Variants in RPRD1A observed in about 807,000 individuals in gnomAD.
RPRD1A encodes regulation of nuclear pre-mRNA domain-containing protein 1A.
A neutral mutation model predicts 37.8 loss-of-function variants in RPRD1A; 9 were observed. That is an observed-to-expected ratio of 0.24 (90% CI 0.14 to 0.42). RPRD1A has a LOEUF of 0.42. Among genes scored for constraint, RPRD1A ranks in the 10% least tolerant of loss-of-function variants. The pLI is 1.00. For synonymous variants in RPRD1A, 138 were observed against 139.7 expected (o/e 0.99, Z 0.08); for missense variants, 255 against 371.0 (o/e 0.69, Z 2.57).
intron 1 of RPRD1A, among the ~76,000 whole-genome samples, chr18:36,045,746 C>T (rs139422022): frequency 9.5e-4 from 145 of 152,262 alleles, no homozygotes; most frequent in African/African-American, 3.3e-3. Flanking sequence ...TAATGTGATG[C>T]AACAGAAATG....
intron 1 of RPRD1A, among the ~76,000 whole-genome samples, chr18:36,041,711 G>A (rs964630692): frequency 7.2e-5 from 11 of 152,332 alleles, no homozygotes; most frequent in South Asian, 2.1e-4. Context: ...TGGGGAAGAC[G>A]TGTTCCTATG....
intron 1 of RPRD1A, among the ~76,000 whole-genome samples, chr18:36,058,901 C>A (rs886698196): frequency 1.3e-5 from 2 of 152,084 alleles, no homozygotes; most frequent in Admixed American, 6.5e-5. Flanking sequence ...GAAAAAGACA[C>A]GAGAATTCAG....
Position 36,027,249 on chromosome 18 carries a change from A to C in RPRD1A, c.548T>G (p.Val183Gly). 6.2e-7 allele frequency: 1 copy of C among 1,613,518 alleles called. No individual in the cohort carries two copies. Among genetic ancestry groups the C allele is most frequent in the Non-Finnish European group, 8.5e-7 (1 of 1,179,450 alleles). The part of the protein sequence containing the change: ...LENAASGDAA[V>G]HQRIASLPVE... ...AGGTAAAGAAGCTATCCTCTGATGA[A>C]CTGCTGCATCACCTGAGGCTGCATT... is the stretch of plus-strand genomic sequence containing the variant. Residue 183 changes from valine (V) to glycine (G), a missense_variant, in exon 5 of 7, where the codon GTT (valine) becomes GGT (glycine). By Grantham distance (109) the Val-to-Gly change is moderately radical (BLOSUM62 -3). Around this residue, in one of 2 missense-constraint regions of RPRD1A, gnomAD observed 211 missense variants for 268.9 expected, o/e 0.78. Coordinates refer to ENST00000399022, the MANE Select transcript of RPRD1A (RefSeq NM_018170.5).
intron 6 of RPRD1A, among the ~76,000 whole-genome samples, chr18:36,016,396 T>C (rs1372739014): frequency 6.6e-6 from 1 of 152,118 alleles, no homozygotes; most frequent in Non-Finnish European, 1.5e-5. Context: ...CTAATTTTTG[T>C]ATTTTTAGTA....
chr18:36,039,787 A>AT (rs752805638), intron 1 of RPRD1A, among the ~76,000 whole-genome samples: 8 of 152,210 alleles, frequency 5.3e-5, no homozygotes, highest in Non-Finnish European at 1.0e-4. Context: ...TAAACATAAG[A>AT]ACCATCATTC....
intron 1 of RPRD1A, among the ~76,000 whole-genome samples, chr18:36,062,504 A>G (rs927543151): frequency 5.3e-5 from 8 of 151,958 alleles, no homozygotes; most frequent in Non-Finnish European, 1.2e-4. Context: ...CAGCAGCATT[A>G]TTTATAATAG....
chr18:36,011,369 A>T (rs1266296220), intron 6 of RPRD1A, among the ~76,000 whole-genome samples: 1 of 152,188 alleles, frequency 6.6e-6, no homozygotes, highest in Non-Finnish European at 1.5e-5. Flanking sequence ...CTAATTTAAG[A>T]CCAAAGTCAA....
chr18:36,008,698 TGAC>T (rs1164856246), intron 6 of RPRD1A, among the ~76,000 whole-genome samples: 2 of 151,142 alleles, frequency 1.3e-5, no homozygotes, highest in Non-Finnish European at 2.9e-5. Context: ...AAATTTTGTA[TGAC>T]ATTTTCATAT....
chr18:36,032,979 C>T (rs957233588), intron 2 of RPRD1A, among the ~76,000 whole-genome samples: 1 of 151,912 alleles, frequency 6.6e-6, no homozygotes, highest in African/African-American at 2.4e-5. Context: ...CAAATACATG[C>T]GATGTACAAA....
intron 1 of RPRD1A, among the ~76,000 whole-genome samples, chr18:36,060,170 G>A (rs1278422675): frequency 2.0e-5 from 3 of 151,986 alleles, no homozygotes; most frequent in African/African-American, 7.3e-5. Flanking sequence ...GGTGGCTCGC[G>A]CTTGTAATCC....
intron 1 of RPRD1A, among the ~76,000 whole-genome samples, chr18:36,051,811 A>G (rs952536176): frequency 2.6e-5 from 4 of 152,210 alleles, no homozygotes; most frequent in Admixed American, 2.0e-4. Flanking sequence ...GAGCAGAAAG[A>G]AAAAGAATGA....
chr18:36,033,304 A>C (rs1183005908), intron 2 of RPRD1A, among the ~76,000 whole-genome samples: 3 of 116,776 alleles, frequency 2.6e-5, no homozygotes, highest in African/African-American at 5.3e-5. Flanking sequence ...TGTCTCAAAA[A>C]AAAAAAAAAA....
chr18:35,999,562 G>C (rs1909292335), intron 6 of RPRD1A, among the ~76,000 whole-genome samples: 1 of 151,988 alleles, frequency 6.6e-6, no homozygotes, highest in Admixed American at 6.6e-5. Context: ...TAATATTTCT[G>C]AAATTAAAAT....
intron 1 of RPRD1A, among the ~76,000 whole-genome samples, chr18:36,044,825 T>C (rs1912840261): frequency 1.3e-5 from 2 of 152,040 alleles, no homozygotes; most frequent in Admixed American, 6.5e-5. Flanking sequence ...AAAACTGCAA[T>C]TGTATCCAAA....
At chr18:36,019,824 G>A (rs1206830298) in intron 6 of RPRD1A, among the ~76,000 whole-genome samples, 4 of 152,204 alleles carry the variant, frequency 2.6e-5, no homozygotes, top group African/African-American at 9.6e-5. Flanking sequence ...CGGGTCACCT[G>A]AGGTCAGGAG....
At chr18:36,049,685 A>C (rs904491514) in intron 1 of RPRD1A, among the ~76,000 whole-genome samples, 2 of 152,230 alleles carry the variant, frequency 1.3e-5, no homozygotes, top group Admixed American at 6.5e-5. Context: ...GTATGTATAC[A>C]CTACATTATG....
At chr18:36,021,750 G>C (rs1402611684) in intron 6 of RPRD1A, among the ~76,000 whole-genome samples, 1 of 152,198 alleles carries the variant, frequency 6.6e-6, no homozygotes, top group Non-Finnish European at 1.5e-5. Context: ...TGTAATCTTA[G>C]CACTTTGGGA....
At chr18:36,035,431 CATT>C (rs1568136556) in intron 1 of RPRD1A, among the ~76,000 whole-genome samples, 1 of 152,104 alleles carries the variant, frequency 6.6e-6, no homozygotes. Flanking sequence ...AAGCCAAAAA[CATT>C]ATTTGCCCTC....
chr18:36,017,012 A>T (rs993953440), intron 6 of RPRD1A, among the ~76,000 whole-genome samples: 4 of 107,294 alleles, frequency 3.7e-5, no homozygotes, highest in South Asian at 2.7e-4. Flanking sequence ...CTTTTGCAAT[A>T]AAAAAAAAAA....
Sources: gnomAD v4.1 joint callset for allele counts (sites outside exome capture counted in the v4.1 genomes callset) on GRCh38, gnomAD v4.1.1 for gene constraint, gnomAD v4.1.1 regional missense constraint, MANE v1.5 for transcripts, NCBI Gene and HGNC (gene_info 2026-07-23, HGNC 2026-07-21) for gene names.